TSHZ1: variants seen among roughly 807,000 people sequenced by gnomAD.
The protein encoded by TSHZ1 is teashirt zinc finger homeobox 1.
A neutral mutation model predicts 67.1 loss-of-function variants in TSHZ1; 12 were observed. That is an observed-to-expected ratio of 0.18 (90% confidence interval 0.11 to 0.29). The LOEUF (loss-of-function observed/expected upper bound fraction) is 0.29. Ranked by LOEUF, TSHZ1 falls within the 10% of genes least tolerant of loss-of-function variation. TSHZ1 has a pLI of 1.00. For missense variants in TSHZ1, 1,305 were observed against 1,413.9 expected (o/e 0.92, Z 1.23); for synonymous variants, 632 against 622.4 (o/e 1.02, Z -0.23).
rs778262740 is a variant in TSHZ1, at chr18:75,286,396, A to G, written c.989A>G (p.Lys330Arg). Residue 330 changes from lysine to arginine, a missense_variant, in exon 2 of 2, where the codon AAG (lysine) becomes AGG (arginine). Physicochemically the swap from Lys to Arg is conservative, Grantham distance 26. Transcript: ENST00000580243. This position sits in a 1 kb window ranked among gnomAD's most constrained non-coding sequence, Gnocchi z 5.1. Reference sequence around the variant, plus strand: ...CTCAGCGTCCACATGATCAAAACCAAGCATTACCAGAAAGTGCCTCTGAAG... The same window carrying G: ...CTCAGCGTCCACATGATCAAAACCAGGCATTACCAGAAAGTGCCTCTGAAG... ...QDLSVHMIKT[K>R]HYQKVPLKEP... 1 of 1,614,152 alleles carries G rather than the reference A, an allele frequency of 6.2e-7. No individual in the cohort carries two copies.
At chr18:75,223,232 G>A (rs2022872609) in intron 1 of TSHZ1, among the ~76,000 whole-genome samples, 1 of 152,186 alleles carries the variant, frequency 6.6e-6, no homozygotes, top group African/African-American at 2.4e-5. Context: ...TCGTTTGTCT[G>A]TTTCTATAGC....
chr18:75,234,665 G>C (rs1186142612), intron 1 of TSHZ1, among the ~76,000 whole-genome samples: 1 of 151,412 alleles, frequency 6.6e-6, no homozygotes, highest in Admixed American at 6.6e-5. Flanking sequence ...ATGGTATTTG[G>C]TTGGATACCA....
chr18:75,265,222 A>C (rs946610095), intron 1 of TSHZ1, among the ~76,000 whole-genome samples: 2 of 152,214 alleles, frequency 1.3e-5, no homozygotes, highest in Non-Finnish European at 2.9e-5. Context: ...TTTGAGTGGA[A>C]TGTTTTCTTG....
chr18:75,240,944 G>GTAA (rs1568357502), intron 1 of TSHZ1, among the ~76,000 whole-genome samples: 3 of 152,170 alleles, frequency 2.0e-5, no homozygotes, highest in African/African-American at 7.2e-5. Context: ...TTTGTCATTT[G>GTAA]TAAGTACGTG....
intron 1 of TSHZ1, chr18:75,283,947 G>T (rs995836496): frequency 1.3e-5 from 2 of 152,212 alleles, no homozygotes; most frequent in East Asian, 3.9e-4. Flanking sequence ...TGGCTCTGAT[G>T]ATGTCATCAT....
At chr18:75,213,508 T>C (rs550785681) in intron 1 of TSHZ1, among the ~76,000 whole-genome samples, 1 of 152,374 alleles carries the variant, frequency 6.6e-6, no homozygotes, top group Non-Finnish European at 1.5e-5. Context: ...TAAAAAGTTG[T>C]GTTCAGAAAA....
chr18:75,267,742 A>T (rs2122590722), intron 1 of TSHZ1, among the ~76,000 whole-genome samples: 1 of 152,300 alleles, frequency 6.6e-6, no homozygotes, highest in South Asian at 2.1e-4. Flanking sequence ...GAGTATGAGA[A>T]AGATGGTGAA....
At chr18:75,222,544 C>T (rs1465629588) in intron 1 of TSHZ1, among the ~76,000 whole-genome samples, 3 of 152,038 alleles carry the variant, frequency 2.0e-5, no homozygotes, top group Non-Finnish European at 4.4e-5. Context: ...GAGGGATGGT[C>T]CGGGGCTTGA....
chr18:75,275,622 A>G (rs1785876258), intron 1 of TSHZ1, among the ~76,000 whole-genome samples: 1 of 152,190 alleles, frequency 6.6e-6, no homozygotes, highest in Non-Finnish European at 1.5e-5. Flanking sequence ...TCAGGGGGTC[A>G]GATAGTACCA....
At chr18:75,244,030 G>A (rs1021214755) in intron 1 of TSHZ1, among the ~76,000 whole-genome samples, 3 of 152,230 alleles carry the variant, frequency 2.0e-5, no homozygotes, top group African/African-American at 7.2e-5. Flanking sequence ...TAAGTATGGG[G>A]TTTTATATTA....
rs766922262 is a variant in TSHZ1 at position 75,287,525 on chromosome 18, A to ACCT, written c.2120_2121insTCC (p.Pro707dup). 4 of 1,614,076 alleles carry ACCT rather than the reference A, an allele frequency of 2.5e-6. No individual in the cohort carries two copies. In the African/African-American group the frequency reaches 5.3e-5, roughly 22 times the overall value. ...AGACTGGGAAGGCCAAAAAGGAGGG[A>ACCT]CCGCTGGACGTTCACACCCCAAATG... On this transcript the variant is annotated inframe_insertion, in exon 2 of 2. Coordinates refer to ENST00000580243, the MANE Select transcript of TSHZ1 (RefSeq NM_001308210.2). The surrounding 1 kb of genome is among the most constrained non-coding windows in gnomAD (Gnocchi z 5.0).
intron 1 of TSHZ1, among the ~76,000 whole-genome samples, chr18:75,220,041 C>G (rs1429352093): frequency 6.6e-6 from 1 of 152,136 alleles, no homozygotes; most frequent in Non-Finnish European, 1.5e-5. Flanking sequence ...ACACATTTTC[C>G]CCAGAACACC....
intron 1 of TSHZ1, among the ~76,000 whole-genome samples, chr18:75,270,841 C>T (rs2023547902): frequency 6.6e-6 from 1 of 152,004 alleles, no homozygotes; most frequent in African/African-American, 2.4e-5. Context: ...TGAATCTTTT[C>T]TTTCCCCGTC....
intron 1 of TSHZ1, among the ~76,000 whole-genome samples, chr18:75,241,669 A>C (rs558994174): frequency 6.6e-6 from 1 of 152,194 alleles, no homozygotes; most frequent in Admixed American, 6.5e-5. Flanking sequence ...AATCAATACA[A>C]ATTAAAACCA....
At chr18:75,276,742 A>T (rs2023617653) in intron 1 of TSHZ1, among the ~76,000 whole-genome samples, 2 of 152,226 alleles carry the variant, frequency 1.3e-5, no homozygotes, top group Admixed American at 6.5e-5. Flanking sequence ...TTAGATAAAC[A>T]TGTAATTTGG....
intron 1 of TSHZ1, among the ~76,000 whole-genome samples, chr18:75,228,548 A>G (rs1196979174): frequency 1.3e-5 from 2 of 152,254 alleles, no homozygotes; most frequent in Non-Finnish European, 2.9e-5. Context: ...CTCCCGTGTC[A>G]GGAGCATGAT....
chr18:75,217,192 C>A (rs2022780804), intron 1 of TSHZ1, among the ~76,000 whole-genome samples: 1 of 152,186 alleles, frequency 6.6e-6, no homozygotes, highest in East Asian at 1.9e-4. Flanking sequence ...CTGCTTGGTT[C>A]TTATGAACGA....
intron 1 of TSHZ1, among the ~76,000 whole-genome samples, chr18:75,236,666 GA>G (rs888484318): frequency 6.6e-6 from 1 of 152,150 alleles, no homozygotes; most frequent in Non-Finnish European, 1.5e-5. Context: ...GTAGTGTCTG[GA>G]ACACTAGCAG....
chr18:75,222,878 A>G lies in TSHZ1; in HGVS notation c.40+10962A>G, dbSNP rs939206302. 3.3e-5 allele frequency among the ~76,000 whole-genome samples: 5 copies of G among 152,358 alleles called. No homozygotes were observed. In the East Asian group the frequency reaches 9.6e-4, roughly 29 times the overall value. ...CTGGGAGTAACTGGCTAAAGGCATT[A>G]GACTACTGAGAGTCTGGCCTATTCC... On this transcript the variant is annotated intron_variant, in intron 1 of 1. Coordinates refer to ENST00000580243, the MANE Select transcript of TSHZ1 (RefSeq NM_001308210.2).
Sources: allele counts gnomAD v4.1 joint callset (sites outside exome capture counted in the v4.1 genomes callset), GRCh38; gene constraint gnomAD v4.1.1; non-coding constraint Gnocchi (gnomAD v3.1); transcripts MANE v1.5; gene names NCBI Gene and HGNC (gene_info 2026-07-23, HGNC 2026-07-21).